Variants in ARK2N observed in about 807,000 individuals in gnomAD.
ARK2N encodes the protein protein ARK2N.
chr18:46,231,749 T>G, the ARK2N span: 2 of 151,372 alleles, frequency 1.3e-5, no homozygotes, highest in Non-Finnish European at 2.9e-5. Context: ...TTTTTTTTTG[T>G]TTTTTGTTTT....
chr18:46,198,310 C>CAAA, the ARK2N span, among the ~76,000 whole-genome samples: 540 of 68,512 alleles, frequency 7.9e-3, 1 homozygote, highest in African/African-American at 0.011. Context: ...ACTCCATCTC[C>CAAA]AAAAAAAAAA....
the ARK2N span, among the ~76,000 whole-genome samples, chr18:46,259,160 C>A: frequency 6.6e-6 from 1 of 151,956 alleles, no homozygotes; most frequent in Non-Finnish European, 1.5e-5. Context: ...TAACTAATAA[C>A]GTACCTTTTT....
At chr18:46,253,552 T>C in the ARK2N span, 1 of 941,970 alleles carries the variant, frequency 1.1e-6, no homozygotes, top group Non-Finnish European at 1.6e-6. Context: ...CCAGCTTATT[T>C]GACAGTTTTG....
the ARK2N span, among the ~76,000 whole-genome samples, chr18:46,191,623 C>T: frequency 6.6e-6 from 1 of 152,126 alleles, no homozygotes. Context: ...ATATCTCCCA[C>T]CAGAAAGGCA....
the ARK2N span, among the ~76,000 whole-genome samples, chr18:46,185,238 A>G: frequency 6.6e-6 from 1 of 152,200 alleles, no homozygotes; most frequent in Non-Finnish European, 1.5e-5. Flanking sequence ...TTTTCATGGG[A>G]GATGCAACAT....
chr18:46,242,953 A>C, the ARK2N span, among the ~76,000 whole-genome samples: 5 of 152,204 alleles, frequency 3.3e-5, no homozygotes, highest in African/African-American at 1.2e-4. Flanking sequence ...TATAATTAAT[A>C]TATAGAGAGA....
At chr18:46,239,123 G>C in the ARK2N span, among the ~76,000 whole-genome samples, 1 of 152,140 alleles carries the variant, frequency 6.6e-6, no homozygotes, top group Non-Finnish European at 1.5e-5. Flanking sequence ...GCATTTTAAA[G>C]CATGTATCTA....
chr18:46,255,487 T>G, the ARK2N span, among the ~76,000 whole-genome samples: 1 of 143,920 alleles, frequency 6.9e-6, no homozygotes, highest in African/African-American at 2.6e-5. Context: ...GTTTCACTCT[T>G]GTTGCCCAGG....
the ARK2N span, chr18:46,253,735 TC>T: frequency 6.2e-7 from 1 of 1,613,236 alleles, no homozygotes; most frequent in Admixed American, 1.7e-5. Flanking sequence ...TGACAAAACA[TC>T]TGCTGGCAAT....
At chr18:46,214,632 C>T in the ARK2N span, among the ~76,000 whole-genome samples, 1 of 152,282 alleles carries the variant, frequency 6.6e-6, no homozygotes, top group East Asian at 1.9e-4. Context: ...AATATTATGT[C>T]CTGTACCTGT....
the ARK2N span, among the ~76,000 whole-genome samples, chr18:46,198,494 CAAGT>C: frequency 6.6e-6 from 1 of 152,126 alleles, no homozygotes; most frequent in Non-Finnish European, 1.5e-5. Flanking sequence ...CTACTTTTCA[CAAGT>C]AAGAATTACT....
At chr18:46,259,473 A>T in the ARK2N span, among the ~76,000 whole-genome samples, 1 of 151,562 alleles carries the variant, frequency 6.6e-6, no homozygotes, top group South Asian at 2.1e-4. Flanking sequence ...TGATCTCCTG[A>T]CCCCATGATC....
At chr18:46,203,746 C>T in the ARK2N span, among the ~76,000 whole-genome samples, 1 of 151,994 alleles carries the variant, frequency 6.6e-6, no homozygotes, top group African/African-American at 2.4e-5. Context: ...ACTACCATGC[C>T]CAGCTAATTT....
the ARK2N span, among the ~76,000 whole-genome samples, chr18:46,257,929 A>AT: frequency 2.4e-3 from 354 of 144,736 alleles, no homozygotes; most frequent in African/African-American, 8.1e-3. Flanking sequence ...CCAGTTGCTA[A>AT]TTTTTTTTTT....
At chr18:46,247,629 C>T in the ARK2N span, among the ~76,000 whole-genome samples, 2 of 152,124 alleles carry the variant, frequency 1.3e-5, no homozygotes, top group East Asian at 3.9e-4. Flanking sequence ...GTGAGTCTGC[C>T]ACAAGTGGCT....
At chr18:46,226,716 C>T in the ARK2N span, among the ~76,000 whole-genome samples, 2 of 151,864 alleles carry the variant, frequency 1.3e-5, no homozygotes, top group Non-Finnish European at 2.9e-5. Flanking sequence ...CTGTGAGACA[C>T]AGCTAAATTA....
At chr18:46,248,183 A>G in the ARK2N span, among the ~76,000 whole-genome samples, 1 of 152,200 alleles carries the variant, frequency 6.6e-6, no homozygotes, top group Non-Finnish European at 1.5e-5. Flanking sequence ...GTACATGAGG[A>G]TGGAGATGAG....
At chr18:46,256,975 A>G in the ARK2N span, among the ~76,000 whole-genome samples, 1 of 151,954 alleles carries the variant, frequency 6.6e-6, no homozygotes, top group Non-Finnish European at 1.5e-5. Context: ...TCTGGAATTT[A>G]TTTCTTTTAC....
the ARK2N span, among the ~76,000 whole-genome samples, chr18:46,226,459 A>G: frequency 2.0e-5 from 3 of 152,324 alleles, no homozygotes; most frequent in Admixed American, 6.5e-5. Flanking sequence ...TATCAAGGGT[A>G]TGTATTGGGT....
Sources: allele counts gnomAD v4.1 joint callset (sites outside exome capture counted in the v4.1 genomes callset), GRCh38; gene constraint gnomAD v4.1.1; transcripts MANE v1.5; gene names NCBI Gene and HGNC (gene_info 2026-07-23, HGNC 2026-07-21).